Variants in PCDH15 observed in about 807,000 individuals in gnomAD.
PCDH15 encodes protocadherin related 15.
In PCDH15, 129 loss-of-function variants were observed where a neutral mutation model predicts 178.5. The observed-to-expected ratio is 0.72, with a 90% confidence interval of 0.63 to 0.84. The LOEUF is 0.84. PCDH15 is among the 40% of genes least tolerant of loss of function. The pLI is 0.00. For synonymous variants in PCDH15, 800 were observed against 732.0 expected, an observed-to-expected ratio of 1.09 and a Z score of -1.50; for missense variants, 2,230 against 2,099.9, an observed-to-expected ratio of 1.06 and a Z score of -1.21.
At chr10:53,902,844 T>G in intron 26 of PCDH15, among the ~76,000 whole-genome samples, 1 of 152,068 alleles carries the variant, frequency 6.6e-6, no homozygotes, top group South Asian at 2.1e-4. Context: ...AAATTCACAA[T>G]TTCAGAAAAA....
intron 3 of PCDH15, among the ~76,000 whole-genome samples, chr10:54,483,981 C>A (rs1178255658): frequency 2.0e-5 from 3 of 151,828 alleles, no homozygotes; most frequent in Non-Finnish European, 4.4e-5. Flanking sequence ...TCCTTACAAG[C>A]TATGTTAGGT....
rs80275494 is a variant in PCDH15 at position 55,621,400 on chromosome 10, G to A, written c.-156+6225C>T. 5.9e-5 allele frequency among the ~76,000 whole-genome samples: 9 copies of A among 152,284 alleles called. No homozygotes were observed. In the East Asian group the frequency reaches 1.7e-3, roughly 29 times the overall value. On this transcript the variant is annotated intron_variant, in intron 2 of 5. Coordinates refer to the PCDH15 transcript ENST00000613346. Reference sequence around the variant, plus strand: ...AGAGCAATGGTCCCCGCACCCCAGAGCAGGGGTCCCCCACCCCAGGGGCTG... The same window carrying A: ...AGAGCAATGGTCCCCGCACCCCAGAACAGGGGTCCCCCACCCCAGGGGCTG...
At chr10:54,976,211 A>C (rs1337024189) in intron 2 of PCDH15, among the ~76,000 whole-genome samples, 1 of 152,228 alleles carries the variant, frequency 6.6e-6, no homozygotes, top group Non-Finnish European at 1.5e-5. Context: ...ATTTCAAAGA[A>C]AGAAAACAAA....
chr10:55,089,014 T>TA (rs926736706), intron 2 of PCDH15, among the ~76,000 whole-genome samples: 1 of 152,030 alleles, frequency 6.6e-6, no homozygotes, highest in Non-Finnish European at 1.5e-5. Context: ...ATTCTTGTTT[T>TA]AAAAAAAGAT....
intron 1 of PCDH15, among the ~76,000 whole-genome samples, chr10:54,724,563 C>T (rs1942173313): frequency 1.3e-5 from 2 of 151,346 alleles, no homozygotes; most frequent in African/African-American, 4.8e-5. Flanking sequence ...TTAATATTAG[C>T]TGTAGAGAGT....
At chr10:54,304,032 A>G (rs1467587239) in intron 8 of PCDH15, among the ~76,000 whole-genome samples, 1 of 152,048 alleles carries the variant, frequency 6.6e-6, no homozygotes, top group African/African-American at 2.4e-5. Flanking sequence ...AGCGATTAGG[A>G]ATTTAGAGGT....
At chr10:54,216,084 A>G (rs936785270) in intron 9 of PCDH15, among the ~76,000 whole-genome samples, 1 of 147,832 alleles carries the variant, frequency 6.8e-6, no homozygotes, top group East Asian at 1.9e-4. Flanking sequence ...ATTTATGTCC[A>G]GACAAAATGT....
intron 1 of PCDH15, among the ~76,000 whole-genome samples, chr10:54,745,506 T>C (rs979043112): frequency 6.6e-6 from 1 of 152,220 alleles, no homozygotes; most frequent in African/African-American, 2.4e-5. Flanking sequence ...TATTGATGTA[T>C]GCTGAATGAG....
At chr10:54,628,731 T>C (rs1397276858) in intron 2 of PCDH15, among the ~76,000 whole-genome samples, 2 of 152,132 alleles carry the variant, frequency 1.3e-5, no homozygotes, top group African/African-American at 2.4e-5. Flanking sequence ...ATCAATAATA[T>C]GACATGGTTC....
intron 2 of PCDH15, chr10:54,606,008 T>C (rs547097432): frequency 1.3e-5 from 2 of 152,274 alleles, no homozygotes; most frequent in South Asian, 4.1e-4. Context: ...CACATGCCTG[T>C]TTAAAATGGC....
chr10:55,059,971 T>C (rs1432840044), intron 2 of PCDH15, among the ~76,000 whole-genome samples: 3 of 131,148 alleles, frequency 2.3e-5, no homozygotes, highest in East Asian at 4.8e-4. Flanking sequence ...TCTGAATGTA[T>C]TGTCATACAA....
chr10:55,357,647 A>G (rs1207865262), intron 2 of PCDH15, among the ~76,000 whole-genome samples: 1 of 152,068 alleles, frequency 6.6e-6, no homozygotes, highest in Non-Finnish European at 1.5e-5. Context: ...TACTTCTAAT[A>G]AATTGTAGCA....
At chr10:55,034,497 T>G (rs1840689092) in intron 2 of PCDH15, among the ~76,000 whole-genome samples, 1 of 152,190 alleles carries the variant, frequency 6.6e-6, no homozygotes, top group South Asian at 2.1e-4. Context: ...TTACCATTTA[T>G]TAAGCATGCA....
intron 14 of PCDH15, among the ~76,000 whole-genome samples, chr10:54,141,884 G>A (rs9651344): frequency 0.015 from 2,349 of 152,242 alleles, 75 homozygotes; most frequent in African/African-American, 0.054. Context: ...GCTCTTTTAA[G>A]TAGCTGAAGA....
intron 2 of PCDH15, among the ~76,000 whole-genome samples, chr10:55,526,243 T>A (rs1187656393): frequency 6.6e-6 from 1 of 151,884 alleles, no homozygotes; most frequent in Non-Finnish European, 1.5e-5. Flanking sequence ...CACAATTCTA[T>A]TTTTTTCATT....
intron 15 of PCDH15, among the ~76,000 whole-genome samples, chr10:54,128,307 T>C (rs2042147521): frequency 6.6e-6 from 1 of 152,172 alleles, no homozygotes; most frequent in Admixed American, 6.5e-5. Flanking sequence ...CTTTATTTTA[T>C]TTATAATTAG....
chr10:54,663,691 C>T (rs746715395), intron 2 of PCDH15, among the ~76,000 whole-genome samples: 7 of 113,744 alleles, frequency 6.2e-5, no homozygotes, highest in Non-Finnish European at 1.1e-4. Context: ...TCTATTCTTC[C>T]CAAAAAAAAA....
chr10:54,986,370 G>GTTCAT (rs1322345265), intron 2 of PCDH15, among the ~76,000 whole-genome samples: 1 of 151,950 alleles, frequency 6.6e-6, no homozygotes, highest in Non-Finnish European at 1.5e-5. Flanking sequence ...CATATATCTG[G>GTTCAT]AAAAGTACAA....
At chr10:55,484,345 G>T in intron 2 of PCDH15, among the ~76,000 whole-genome samples, 1 of 151,742 alleles carries the variant, frequency 6.6e-6, no homozygotes, top group East Asian at 2.0e-4. Context: ...AATTATAAAA[G>T]ATCTCTACTA....
Sources: allele counts gnomAD v4.1 joint callset (sites outside exome capture counted in the v4.1 genomes callset), GRCh38; gene constraint gnomAD v4.1.1; transcripts MANE v1.5; gene names NCBI Gene and HGNC (gene_info 2026-07-23, HGNC 2026-07-21).